Variants in COPS6 observed in about 807,000 individuals in gnomAD.
The protein encoded by COPS6 is COP9 signalosome complex subunit 6.
Under a neutral mutation model 41.0 loss-of-function variants are expected in COPS6, and 9 were observed. The observed-to-expected ratio is 0.22, with a 90% CI of 0.13 to 0.38. COPS6 has a LOEUF of 0.38. Ranked by LOEUF, COPS6 falls within the 10% of genes least tolerant of loss-of-function variation. The probability of loss-of-function intolerance (pLI) is 1.00; values close to 1 mark genes in which losing one functional copy is unlikely to be tolerated. For missense variants in COPS6, 302 were observed against 436.7 expected (o/e 0.69, Z 2.75); for synonymous variants, 179 against 162.9 (o/e 1.10, Z -0.75).
rs928285286 is a variant in COPS6 at position 100,088,983 on chromosome 7, C to CG, written c.-4dup. ...GGGGCGGGGCCGAGGCTGGCGGGCG[C>CG]GGGGAAAATGGCGGCGGCGGCGGCG... On this transcript the variant is annotated 5_prime_UTR_variant, in exon 1 of 10. Transcript: ENST00000303904. 1.4e-5 allele frequency: 18 copies of CG among 1,314,034 alleles called. No homozygotes were observed. The highest frequency in any genetic ancestry group is 1.7e-5 in the Non-Finnish European group (17 of 1,028,586). The allele number at this position is 1,314,034 out of a possible 1,614,324, so 81.4% of individuals were successfully genotyped here. A position where few individuals can be genotyped will look rare whatever the true frequency, so the allele number is the denominator to read the frequency against.
At position 100,091,571 on chromosome 7, in the gene COPS6, G is replaced by A. The variant is rs372933685; in HGVS notation, c.843+51G>A. On this transcript the variant is annotated intron_variant, in intron 9 of 9. Coordinates refer to ENST00000303904, the MANE Select transcript of COPS6 (RefSeq NM_006833.5). This position sits in a 1 kb window ranked among gnomAD's most constrained non-coding sequence, Gnocchi z 4.1. ...GCGGGGCTTATGCTGTCACTTTCAC[G>A]TGCAGGACTGGGGACTGTTGTTCCC... The A allele has an allele frequency of 1.6e-5, 26 of 1,613,678 alleles. No individual in the cohort carries two copies. The highest frequency in any genetic ancestry group is 5.3e-5 in the African/African-American group (4 of 74,910).
At position 100,091,166 on chromosome 7, in the gene COPS6, T is replaced by A. The variant is rs766750709; in HGVS notation, c.649+14T>A. 10 of 1,613,648 alleles carry A rather than the reference T, an allele frequency of 6.2e-6. No homozygotes were observed. The highest frequency in any genetic ancestry group is 8.5e-6 in the Non-Finnish European group (10 of 1,179,648). On this transcript the variant is annotated intron_variant, in intron 7 of 9. Transcript: ENST00000303904. This position sits in a 1 kb window ranked among gnomAD's most constrained non-coding sequence, Gnocchi z 4.1. ...AGAACTCCACTGGTAATGGAGGGGA[T>A]TCCTTGGAAGTGGGGTTGGAAGGTG...
rs141560742 is a variant in COPS6, at chr7:100,091,608, C to T, written c.844-41C>T. On this transcript the variant is annotated intron_variant, in intron 9 of 9. Coordinates refer to ENST00000303904, the MANE Select transcript of COPS6 (RefSeq NM_006833.5). This position sits in a 1 kb window ranked among gnomAD's most constrained non-coding sequence, Gnocchi z 4.1. ...GGACTGTTGTTCCCCGGGCATGCCACGAGGGATCCCGAGGAACTGGTCCTT... is the reference window on the plus strand; with the variant it reads ...GGACTGTTGTTCCCCGGGCATGCCATGAGGGATCCCGAGGAACTGGTCCTT... 318 of 1,613,912 alleles carry T rather than the reference C, an allele frequency of 2.0e-4. 2 individuals are homozygous for T. In the East Asian group the frequency reaches 2.5e-3, roughly 12 times the overall value.
In COPS6 at chr7:100,091,502, C is replaced by T. The variant is rs1460097097; in HGVS notation, c.825C>T (p.Phe275=). 6.2e-6 allele frequency: 10 copies of T among 1,614,178 alleles called. No individual in the cohort carries two copies. The highest frequency in any genetic ancestry group is 7.6e-6 in the Non-Finnish European group (9 of 1,180,012). Residue 275 remains phenylalanine, a synonymous_variant, in exon 9 of 10, where the codon TTC becomes TTT. Transcript: ENST00000303904. This position sits in a 1 kb window ranked among gnomAD's most constrained non-coding sequence, Gnocchi z 4.1. ...HCLPVLSTDK[F]KTDFYDQCND... The stretch of plus-strand genomic sequence containing the variant: ...TCCCGGTGCTCAGCACAGACAAGTT[C>T]AAGACAGATTTTTATGATGTGAGTG...
In COPS6 at chr7:100,089,058, A is replaced by T; in HGVS notation, c.68A>T (p.Asp23Val). 7.1e-7 allele frequency: 1 copy of T among 1,403,488 alleles called. No homozygotes were observed. Among genetic ancestry groups the T allele is most frequent in the Non-Finnish European group, 9.3e-7 (1 of 1,077,784 alleles). 86.9% of individuals were successfully genotyped at this position (1,403,488 alleles called of 1,614,324 possible). A position where few individuals can be genotyped will look rare whatever the true frequency, so the allele number is the denominator to read the frequency against. The part of the protein sequence containing the change: ...GTGGSSGMEV[D>V]AAVVPSVMAC... Reference sequence around the variant, plus strand: ...GGAGGAAGCAGCGGGATGGAGGTGGATGCAGCAGGTAACGGGCCGTGCGGG... The same window carrying T: ...GGAGGAAGCAGCGGGATGGAGGTGGTTGCAGCAGGTAACGGGCCGTGCGGG... Residue 23 changes from aspartate (D) to valine (V), a missense_variant, in exon 1 of 10, where the codon GAT (aspartate) becomes GTT (valine). This residue lies in a region of COPS6 where 76 missense variants were observed against 97.9 expected (regional missense o/e 0.78). Transcript: ENST00000303904.
chr7:100,089,565 T>A (rs1333324762), intron 2 of COPS6, 50 bp from the exon 3 acceptor site: 1 of 1,603,702 alleles, frequency 6.2e-7, no homozygotes, highest in Non-Finnish European at 8.5e-7. Context: ...GACCCTCAGG[T>A]CATAGAAGTT....
rs1445043554 is a variant in COPS6, at chr7:100,091,755, G to C, written c.950G>C (p.Gly317Ala). The change falls in exon 10 of 10, where the codon GGC (glycine) becomes GCC (alanine). Residue 317 changes from glycine (G) to alanine (A), a missense_variant. Coordinates refer to ENST00000303904, the MANE Select transcript of COPS6 (RefSeq NM_006833.5). The surrounding 1 kb of genome is among the most constrained non-coding windows in gnomAD (Gnocchi z 4.1). Reference protein sequence around the residue: ...NKFNVLYDRQGIGRRMRGLFF With the variant: ...NKFNVLYDRQAIGRRMRGLFF ...TTCAATGTCCTCTACGACCGACAAG[G>C]CATCGGCAGGAGAATGCGCGGGCTC... is the stretch of plus-strand genomic sequence containing the variant. 4.3e-6 allele frequency: 7 copies of C among 1,614,106 alleles called. No homozygotes were observed. The Admixed American group carries it at 5.0e-5, about 12-fold the overall frequency.
Position 100,091,969 on chromosome 7 carries a change from G to A in COPS6, c.*180G>A, listed in dbSNP as rs564389613. The A allele has an allele frequency of 2.4e-4, 171 of 722,322 alleles. No individual in the cohort carries two copies. The African/African-American group carries it at 2.9e-3, about 12-fold the overall frequency. The allele number at this position is 722,322 out of a possible 1,614,324, so 44.7% of individuals were successfully genotyped here. ...TGGTTGGTCAACTTGGATGTTCATC[G>A]AGGCTCATTCTGGCCTTGCTCAGAA... On this transcript the variant is annotated 3_prime_UTR_variant, in exon 10 of 10. Coordinates refer to ENST00000303904, the MANE Select transcript of COPS6 (RefSeq NM_006833.5). The surrounding 1 kb of genome is among the most constrained non-coding windows in gnomAD (Gnocchi z 4.1).
chr7:100,090,740 C>T, intron 5 of COPS6, 86 bp downstream of exon 5: 2 of 1,471,462 alleles, frequency 1.4e-6, no homozygotes, highest in Non-Finnish European at 9.5e-7. Context: ...ATGCCAGATG[C>T]CACTTACCAG....
intron 3 of COPS6, 190 bp downstream of exon 3, chr7:100,089,936 T>C: frequency 1.7e-6 from 1 of 579,050 alleles, no homozygotes; most frequent in Non-Finnish European, 3.0e-6. Context: ...AAGCAAAGGA[T>C]GAGAGGAGAC....
rs1795281024 is a variant in COPS6, at chr7:100,089,399, G to T, written c.186G>T (p.Glu62Asp). The change falls in exon 2 of 10, where the codon GAG becomes GAT. Residue 62 changes from glutamate to aspartate, a missense_variant. Around this residue, in one of 3 missense-constraint regions of COPS6, gnomAD observed 76 missense variants for 97.9 expected, o/e 0.78. Coordinates refer to ENST00000303904, the MANE Select transcript of COPS6 (RefSeq NM_006833.5). The part of the protein sequence containing the change: ...SDHWIRMRSQ[E>D]GRPVQVIGAL... ...ACTGGATCCGCATGCGCTCCCAGGA[G>T]GGGCGGCCTGTGCAGGGTGAGTGTT... is the stretch of plus-strand genomic sequence containing the variant. 6.2e-7 allele frequency: 1 copy of T among 1,613,960 alleles called. No individual in the cohort carries two copies. Among genetic ancestry groups the T allele is most frequent in the Non-Finnish European group, 8.5e-7 (1 of 1,180,030 alleles).
intron 5 of COPS6, 123 bp from the exon 6 acceptor site, chr7:100,090,779 C>A: frequency 6.9e-6 from 10 of 1,459,018 alleles, no homozygotes; most frequent in Non-Finnish European, 9.6e-6. Context: ...CATTTAATCT[C>A]CAAACTGTGA....
rs368726016 is a variant in COPS6, at chr7:100,091,231, C to T, written c.650-7C>T. ...CTCAACCTCCTCCTGTCCTCATCCC[C>T]TTGCAGTGGCTGAACACCTGATAGC... is the stretch of plus-strand genomic sequence containing the variant. On this transcript the variant is annotated splice_polypyrimidine_tract_variant and splice_region_variant and intron_variant, in intron 7 of 9. Coordinates refer to ENST00000303904, the MANE Select transcript of COPS6 (RefSeq NM_006833.5). This position sits in a 1 kb window ranked among gnomAD's most constrained non-coding sequence, Gnocchi z 4.1. 6.2e-7 allele frequency: 1 copy of T among 1,614,200 alleles called. No individual in the cohort carries two copies. The highest frequency in any genetic ancestry group is 1.3e-5 in the African/African-American group (1 of 75,058).
chr7:100,091,325 A>G lies in COPS6; in HGVS notation c.737A>G (p.Glu246Gly). The G allele has an allele frequency of 6.2e-7, 1 of 1,614,188 alleles. No individual in the cohort carries two copies. The highest frequency in any genetic ancestry group is 8.5e-7 in the Non-Finnish European group (1 of 1,180,014). ...ATCTTGGAGTACGTCAAGGCCTCTGAAGCGGGTAGGACAGGGGCTTCCCTG... is the reference window on the plus strand; with the variant it reads ...ATCTTGGAGTACGTCAAGGCCTCTGGAGCGGGTAGGACAGGGGCTTCCCTG... Reference protein sequence around the residue: ...KLILEYVKASEAGEVPFNHEI... With the variant: ...KLILEYVKASGAGEVPFNHEI... The change falls in exon 8 of 10, where the codon GAA becomes GGA. Residue 246 changes from glutamate (E) to glycine (G), a missense_variant. Transcript: ENST00000303904. The surrounding 1 kb of genome is among the most constrained non-coding windows in gnomAD (Gnocchi z 4.1).
Position 100,091,797 on chromosome 7 carries a change from A to G in COPS6, c.*8A>G. The G allele has an allele frequency of 1.2e-6, 2 of 1,614,198 alleles. No homozygotes were observed. Among genetic ancestry groups the G allele is most frequent in the Non-Finnish European group, 1.7e-6 (2 of 1,180,030 alleles). On this transcript the variant is annotated 3_prime_UTR_variant, in exon 10 of 10. Transcript: ENST00000303904. The surrounding 1 kb of genome is among the most constrained non-coding windows in gnomAD (Gnocchi z 4.1). ...CGCGGGCTCTTTTTCTGATGAGGGT[A>G]CTTGAAGGGCTGATGGACAGGGGTC...
Position 100,091,340 on chromosome 7 carries a change from G to T in COPS6, c.742+10G>T. On this transcript the variant is annotated intron_variant, in intron 8 of 9. Coordinates refer to ENST00000303904, the MANE Select transcript of COPS6 (RefSeq NM_006833.5). This position sits in a 1 kb window ranked among gnomAD's most constrained non-coding sequence, Gnocchi z 4.1. ...AAGGCCTCTGAAGCGGGTAGGACAG[G>T]GGCTTCCCTGGCATTCTTCCTCTCC... 1 of 1,613,970 alleles carries T rather than the reference G, an allele frequency of 6.2e-7. No homozygotes were observed. The highest frequency in any genetic ancestry group is 2.2e-5 in the East Asian group (1 of 44,886).
At chr7:100,089,583 C>T (rs1263870067) in intron 2 of COPS6, 32 bp from the exon 3 acceptor site, 5 of 1,607,436 alleles carry the variant, frequency 3.1e-6, no homozygotes, top group Non-Finnish European at 3.4e-6. Flanking sequence ...GTTTCTTTAC[C>T]CTCACCTTTT....
intron 5 of COPS6, 85 bp downstream of exon 5, chr7:100,090,739 G>T (rs1040878169): frequency 1.5e-5 from 22 of 1,472,720 alleles, no homozygotes; most frequent in Non-Finnish European, 8.5e-6. Context: ...AATGCCAGAT[G>T]CCACTTACCA....
At position 100,091,494 on chromosome 7, in the gene COPS6, G is replaced by T. The variant is rs1446820005; in HGVS notation, c.817G>T (p.Asp273Tyr). ...LCHCLPVLST[D>Y]KFKTDFYDQC... Reference sequence around the variant, plus strand: ...TCACTGTCTCCCGGTGCTCAGCACAGACAAGTTCAAGACAGATTTTTATGA... The same window carrying T: ...TCACTGTCTCCCGGTGCTCAGCACATACAAGTTCAAGACAGATTTTTATGA... The change falls in exon 9 of 10, where the codon GAC (aspartate) becomes TAC (tyrosine). Residue 273 changes from aspartate (D) to tyrosine (Y), a missense_variant. Asp to Tyr is a radical substitution (Grantham distance 160). Coordinates refer to ENST00000303904, the MANE Select transcript of COPS6 (RefSeq NM_006833.5). The surrounding 1 kb of genome is among the most constrained non-coding windows in gnomAD (Gnocchi z 4.1). 1 of 1,614,114 alleles carries T rather than the reference G, an allele frequency of 6.2e-7. No homozygotes were observed. The highest frequency in any genetic ancestry group is 8.5e-7 in the Non-Finnish European group (1 of 1,180,040).
Sources: gnomAD v4.1 joint callset for allele counts on GRCh38, gnomAD v4.1.1 for gene constraint, gnomAD v4.1.1 regional missense constraint, Gnocchi (gnomAD v3.1) non-coding constraint, MANE v1.5 for transcripts, NCBI Gene and HGNC (gene_info 2026-07-23, HGNC 2026-07-21) for gene names.